The following NPEPPS variants were observed in gnomAD, a reference collection of about 807,000 sequenced individuals.
The protein encoded by NPEPPS is puromycin-sensitive aminopeptidase.
In NPEPPS, 14 loss-of-function variants were observed where a neutral mutation model predicts 115.5. That is an observed-to-expected ratio of 0.12 (90% CI 0.08 to 0.19). The LOEUF is 0.19. Ranked by LOEUF, NPEPPS falls within the 10% of genes least tolerant of loss-of-function variation. The probability of loss-of-function intolerance (pLI) is 1.00; values close to 1 mark genes in which losing one functional copy is unlikely to be tolerated. For synonymous variants in NPEPPS, 285 were observed against 390.6 expected (o/e 0.73, Z 3.19); for missense variants, 523 against 1,110.8 (o/e 0.47, Z 7.52).
intron 2 of NPEPPS, among the ~76,000 whole-genome samples, chr17:47,547,764 CGCCTGTA>C (rs910771610): frequency 6.6e-6 from 1 of 152,120 alleles, no homozygotes; most frequent in Non-Finnish European, 1.5e-5. Flanking sequence ...CGGTGGCTCA[CGCCTGTA>C]ATTCCAGCAC....
At chr17:47,536,630 G>T (rs1418257841) in intron 1 of NPEPPS, among the ~76,000 whole-genome samples, 23 of 150,678 alleles carry the variant, frequency 1.5e-4, no homozygotes, top group Admixed American at 1.5e-3. Context: ...CCCGACCTCT[G>T]GTGATCCACC....
intron 1 of NPEPPS, among the ~76,000 whole-genome samples, chr17:47,525,857 T>C (rs1907410574): frequency 6.6e-6 from 1 of 152,092 alleles, no homozygotes; most frequent in African/African-American, 2.4e-5. Flanking sequence ...ATAAAGGAAT[T>C]AGGAAACAAG....
rs777006725 is a variant in NPEPPS at position 47,619,779 on chromosome 17, G to T, written c.2602G>T (p.Val868Phe). Residue 868 changes from valine to phenylalanine, a missense_variant, in exon 22 of 23, where the codon GTT becomes TTT. Physicochemically the swap from Val to Phe is conservative, Grantham distance 50. This residue lies in a region of NPEPPS where 372 missense variants were observed against 542.6 expected (regional missense o/e 0.69). Transcript: ENST00000322157. ...TGCAGTTGATAAAATGGCTGGAGAGGTTAAGGTAAGGAAAATACTGTTTAC... is the reference window on the plus strand; with the variant it reads ...TGCAGTTGATAAAATGGCTGGAGAGTTTAAGGTAAGGAAAATACTGTTTAC... ...GFAVDKMAGE[V>F]KAFFESHPAP... The T allele has an allele frequency of 6.2e-7, 1 of 1,611,952 alleles. No homozygotes were observed. The highest frequency in any genetic ancestry group is 8.5e-7 in the Non-Finnish European group (1 of 1,178,114).
intron 2 of NPEPPS, among the ~76,000 whole-genome samples, chr17:47,558,933 C>G (rs1449318948): frequency 7.2e-5 from 11 of 151,920 alleles, no homozygotes. Context: ...ACCTGAGAGG[C>G]TGAGGCAGGA....
Position 47,605,354 on chromosome 17 carries a change from A to T in NPEPPS, c.1897A>T (p.Thr633Ser). ...FSLARAGIIS[T>S]VEVLKVMEAF... ...CCAGGCTCGAGCTGGAATCATTAGC[A>T]CTGTAGAGGTTCTAAAAGTCATGGA... The change falls in exon 17 of 23, where the codon ACT (threonine) becomes TCT (serine). Residue 633 changes from threonine to serine, a missense_variant. Around this residue, in one of 4 missense-constraint regions of NPEPPS, gnomAD observed 372 missense variants for 542.6 expected, o/e 0.69. Coordinates refer to ENST00000322157, the MANE Select transcript of NPEPPS (RefSeq NM_006310.4). 1 of 1,609,418 alleles carries T rather than the reference A, an allele frequency of 6.2e-7. No homozygotes were observed.
intron 2 of NPEPPS, among the ~76,000 whole-genome samples, chr17:47,567,514 T>G (rs1296863047): frequency 1.3e-5 from 2 of 152,232 alleles, no homozygotes; most frequent in African/African-American, 2.4e-5. Flanking sequence ...TGTAGTACTT[T>G]CCTTTCTCCC....
chr17:47,529,138 A>G (rs1907552917), upstream of NPEPPS, among the ~76,000 whole-genome samples: 1 of 152,188 alleles, frequency 6.6e-6, no homozygotes, highest in South Asian at 2.1e-4. Flanking sequence ...AGTTTTGGAA[A>G]TTACTGGGTT....
At chr17:47,608,819 A>G (rs1913673783) in intron 17 of NPEPPS, among the ~76,000 whole-genome samples, 1 of 152,214 alleles carries the variant, frequency 6.6e-6, no homozygotes, top group South Asian at 2.1e-4. Context: ...AGATGAAGGC[A>G]GAGGGAATGT....
intron 2 of NPEPPS, among the ~76,000 whole-genome samples, chr17:47,567,049 C>T (rs1167490706): frequency 6.6e-6 from 1 of 152,144 alleles, no homozygotes; most frequent in Non-Finnish European, 1.5e-5. Flanking sequence ...CACTGTACTC[C>T]AGCCTGGGCA....
chr17:47,619,647 C>A, intron 21 of NPEPPS, 90 bp from the exon 22 acceptor site: 1 of 1,036,426 alleles, frequency 9.6e-7, no homozygotes, highest in Non-Finnish European at 1.5e-6. Context: ...CTGAAGTTGG[C>A]AGAGAACAGA....
intron 2 of NPEPPS, among the ~76,000 whole-genome samples, chr17:47,562,136 G>A (rs191755105): frequency 3.7e-4 from 56 of 152,284 alleles, no homozygotes; most frequent in Non-Finnish European, 7.8e-4. Flanking sequence ...TAATAAACCA[G>A]TACACGTGTT....
intron 13 of NPEPPS, among the ~76,000 whole-genome samples, chr17:47,597,911 G>A (rs1176486185): frequency 2.0e-5 from 3 of 152,190 alleles, no homozygotes; most frequent in Admixed American, 2.0e-4. Flanking sequence ...CTCTCAGTTA[G>A]ATTGGCTGCA....
chr17:47,563,640 G>C (rs571752460), intron 2 of NPEPPS, among the ~76,000 whole-genome samples: 1 of 151,460 alleles, frequency 6.6e-6, no homozygotes, highest in Non-Finnish European at 1.5e-5. Context: ...GCACGATCTC[G>C]GCTCGCTGCA....
At position 47,601,671 on chromosome 17, in the gene NPEPPS, C is replaced by A; in HGVS notation, c.1664C>A (p.Ala555Asp). The A allele has an allele frequency of 2.5e-6, 4 of 1,611,934 alleles. No individual in the cohort carries two copies. Among genetic ancestry groups the A allele is most frequent in the Non-Finnish European group, 2.5e-6 (3 of 1,179,332 alleles). ...TISTSEDPNQ[A>D]KLKILMDKPE... ...TCTACTAGTGAAGACCCCAACCAGG[C>A]CAAACTAAAAATTCTAATGGACAAG... is the stretch of plus-strand genomic sequence containing the variant. Residue 555 changes from alanine to aspartate, a missense_variant, in exon 15 of 23, where the codon GCC becomes GAC. This residue lies in a region of NPEPPS where 372 missense variants were observed against 542.6 expected (regional missense o/e 0.69). Transcript: ENST00000322157.
chr17:47,548,822 G>A (rs1377555594), intron 2 of NPEPPS, among the ~76,000 whole-genome samples: 6 of 151,600 alleles, frequency 4.0e-5, no homozygotes, highest in Non-Finnish European at 7.4e-5. Context: ...TGATCCACCC[G>A]CCTCAGCCTC....
intron 1 of NPEPPS, among the ~76,000 whole-genome samples, chr17:47,538,654 C>T (rs1252399604): frequency 7.9e-5 from 12 of 151,756 alleles, no homozygotes; most frequent in African/African-American, 2.9e-4. Context: ...CTCATCCTCC[C>T]AAGTAGCTGG....
chr17:47,588,804 A>G (rs1204545869), intron 9 of NPEPPS, among the ~76,000 whole-genome samples: 1 of 152,170 alleles, frequency 6.6e-6, no homozygotes, highest in Non-Finnish European at 1.5e-5. Context: ...TAACTATTCT[A>G]GTTATTAGAA....
intron 3 of NPEPPS, among the ~76,000 whole-genome samples, chr17:47,575,801 G>C (rs1312029476): frequency 6.6e-6 from 1 of 151,690 alleles, no homozygotes; most frequent in Non-Finnish European, 1.5e-5. Flanking sequence ...GTAGAGATGG[G>C]GTTTCACTGT....
At chr17:47,589,632 T>C (rs117952616) in intron 9 of NPEPPS, among the ~76,000 whole-genome samples, 2,832 of 152,334 alleles carry the variant, frequency 0.019, 42 homozygotes, top group East Asian at 0.048. Flanking sequence ...CAAATTTTTT[T>C]AAAATTGATT....
Sources: gnomAD v4.1 joint callset for allele counts (sites outside exome capture counted in the v4.1 genomes callset) on GRCh38, gnomAD v4.1.1 for gene constraint, gnomAD v4.1.1 regional missense constraint, MANE v1.5 for transcripts, NCBI Gene and HGNC (gene_info 2026-07-23, HGNC 2026-07-21) for gene names.